Variants in PPARGC1A observed in about 807,000 individuals in gnomAD.
PPARGC1A encodes PPARG coactivator 1 alpha, also known as peroxisome proliferator-activated receptor gamma coactivator 1-alpha.
PPARGC1A carries 25 observed loss-of-function variants against 88.7 expected under a neutral mutation model. The ratio of observed to expected loss-of-function variants is 0.28; its 90% CI spans 0.21 to 0.39. PPARGC1A has a LOEUF of 0.39. Ranked by LOEUF, PPARGC1A falls within the 10% of genes least tolerant of loss-of-function variation. The probability of loss-of-function intolerance (pLI) is 1.00; values close to 1 mark genes in which losing one functional copy is unlikely to be tolerated. For synonymous variants in PPARGC1A, 363 were observed against 355.6 expected (o/e 1.02, Z -0.24); for missense variants, 880 against 968.7 (o/e 0.91, Z 1.22).
the PPARGC1A span, among the ~76,000 whole-genome samples, chr4:24,264,529 G>A: frequency 2.0e-5 from 3 of 152,340 alleles, no homozygotes; most frequent in Non-Finnish European, 2.9e-5. Flanking sequence ...TCCTACACTC[G>A]ACTCTACCAC....
chr4:24,092,544 C>T, the PPARGC1A span, among the ~76,000 whole-genome samples: 10 of 152,224 alleles, frequency 6.6e-5, no homozygotes, highest in South Asian at 2.1e-3. Context: ...CATCTGATAC[C>T]TGAATCCACA....
At chr4:24,062,939 T>C in the PPARGC1A span, among the ~76,000 whole-genome samples, 1 of 152,236 alleles carries the variant, frequency 6.6e-6, no homozygotes, top group Non-Finnish European at 1.5e-5. Flanking sequence ...TCCTGAATAA[T>C]TTCAAGTTAA....
At chr4:24,194,799 C>G in the PPARGC1A span, among the ~76,000 whole-genome samples, 2 of 152,164 alleles carry the variant, frequency 1.3e-5, no homozygotes, top group Non-Finnish European at 2.9e-5. Context: ...CAGAGCAAGA[C>G]AAGGGATGCT....
the PPARGC1A span, among the ~76,000 whole-genome samples, chr4:24,257,058 T>C: frequency 2.6e-5 from 4 of 152,286 alleles, no homozygotes; most frequent in Non-Finnish European, 5.9e-5. Flanking sequence ...AGAGGAACAC[T>C]TGTTCATTGT....
chr4:24,177,227 A>T, the PPARGC1A span, among the ~76,000 whole-genome samples: 3 of 152,072 alleles, frequency 2.0e-5, no homozygotes, highest in South Asian at 2.1e-4. Context: ...CAAATGTCCA[A>T]CAATGATAGA....
chr4:23,937,019 C>T, the PPARGC1A span, among the ~76,000 whole-genome samples: 883 of 151,960 alleles, frequency 5.8e-3, 47 homozygotes, highest in East Asian at 0.095. Flanking sequence ...CACTTCTGTG[C>T]GAAGTCACGA....
At chr4:24,448,094 C>T in the PPARGC1A span, among the ~76,000 whole-genome samples, 368 of 152,302 alleles carry the variant, frequency 2.4e-3, 5 homozygotes, top group Admixed American at 0.018. Context: ...ACTTTTATCA[C>T]GCTAGATTTT....
At chr4:24,467,356 T>A in the PPARGC1A span, among the ~76,000 whole-genome samples, 2 of 152,198 alleles carry the variant, frequency 1.3e-5, no homozygotes, top group Admixed American at 1.3e-4. Flanking sequence ...TTAAAACTCT[T>A]TTGCAGTTCA....
At chr4:23,891,898 T>G (rs1367427286), upstream of PPARGC1A, among the ~76,000 whole-genome samples, 1 of 152,220 alleles carries the variant, frequency 6.6e-6, no homozygotes, top group Non-Finnish European at 1.5e-5. Context: ...TCTGATTTAA[T>G]GTAAAACTTC....
the PPARGC1A span, among the ~76,000 whole-genome samples, chr4:24,263,244 C>T: frequency 6.6e-6 from 1 of 152,072 alleles, no homozygotes; most frequent in Non-Finnish European, 1.5e-5. Context: ...AGCAAATAAA[C>T]AAGTAAATGT....
At chr4:24,058,908 G>T in the PPARGC1A span, among the ~76,000 whole-genome samples, 9 of 152,194 alleles carry the variant, frequency 5.9e-5, no homozygotes, top group African/African-American at 1.7e-4. Context: ...TCATGCCATT[G>T]CACCCCAGCC....
chr4:24,166,415 T>C, the PPARGC1A span, among the ~76,000 whole-genome samples: 1,280 of 152,332 alleles, frequency 8.4e-3, 12 homozygotes, highest in African/African-American at 0.029. Flanking sequence ...AAGCAACAGA[T>C]CTTCAATATA....
chr4:24,075,245 A>T, the PPARGC1A span, among the ~76,000 whole-genome samples: 1 of 152,178 alleles, frequency 6.6e-6, no homozygotes, highest in Non-Finnish European at 1.5e-5. Context: ...CAAATGGTAG[A>T]TCAAGCAATC....
At chr4:23,872,914 G>C (rs376315357) in intron 2 of PPARGC1A, among the ~76,000 whole-genome samples, 1 of 152,166 alleles carries the variant, frequency 6.6e-6, no homozygotes, top group African/African-American at 2.4e-5. Context: ...AATGTGGGCC[G>C]GGTGCAGTGG....
chr4:24,413,240 A>AT, the PPARGC1A span, among the ~76,000 whole-genome samples: 25,079 of 140,986 alleles, frequency 0.18, 2,634 homozygotes, highest in South Asian at 0.37. Flanking sequence ...GCCTGGCTTC[A>AT]TTTTTTTTTT....
the PPARGC1A span, among the ~76,000 whole-genome samples, chr4:23,910,691 G>A: frequency 1.3e-5 from 2 of 151,364 alleles, no homozygotes; most frequent in East Asian, 3.9e-4. Flanking sequence ...ACCTGCCTCA[G>A]CCTCCCAAAG....
chr4:24,471,903 G>T, the PPARGC1A span, among the ~76,000 whole-genome samples: 1 of 152,188 alleles, frequency 6.6e-6, no homozygotes, highest in African/African-American at 2.4e-5. This position sits in a 1 kb window ranked among gnomAD's most constrained non-coding sequence, Gnocchi z 5.4. Context: ...AGGCGGCTCG[G>T]GCCCCGAGGG....
the PPARGC1A span, among the ~76,000 whole-genome samples, chr4:24,148,699 G>A: frequency 2.0e-5 from 3 of 152,194 alleles, no homozygotes; most frequent in Non-Finnish European, 2.9e-5. Flanking sequence ...TGGTGCCTAC[G>A]TGTCTGTGAT....
the PPARGC1A span, among the ~76,000 whole-genome samples, chr4:24,420,631 G>C: frequency 6.6e-6 from 1 of 152,066 alleles, no homozygotes; most frequent in Non-Finnish European, 1.5e-5. Flanking sequence ...GTCCCCTGCT[G>C]AGATCCACCC....
Sources: gnomAD v4.1 joint callset for allele counts (sites outside exome capture counted in the v4.1 genomes callset) on GRCh38, gnomAD v4.1.1 for gene constraint, Gnocchi (gnomAD v3.1) non-coding constraint, MANE v1.5 for transcripts, NCBI Gene and HGNC (gene_info 2026-07-23, HGNC 2026-07-21) for gene names.